CACNA1C: variants seen among roughly 807,000 people sequenced by gnomAD.
The protein encoded by CACNA1C is calcium voltage-gated channel subunit alpha1 C.
In CACNA1C, 30 loss-of-function variants were observed where a neutral mutation model predicts 229.0. The ratio of observed to expected loss-of-function variants is 0.13; its 90% CI spans 0.10 to 0.18. The LOEUF (loss-of-function observed/expected upper bound fraction) is 0.18. Among genes scored for constraint, CACNA1C ranks in the 10% least tolerant of loss-of-function variants. The pLI is 1.00. For synonymous variants in CACNA1C, 1,114 were observed against 1,132.5 expected (o/e 0.98, Z 0.33); for missense variants, 1,658 against 2,845.0 (o/e 0.58, Z 9.49).
intron 5 of CACNA1C, among the ~76,000 whole-genome samples, chr12:2,472,862 G>A (rs866889024): frequency 2.6e-5 from 4 of 152,184 alleles, no homozygotes; most frequent in South Asian, 2.1e-4. Context: ...TACCATGAAC[G>A]TGTGTAGGCT....
intron 3 of CACNA1C, among the ~76,000 whole-genome samples, chr12:2,440,252 A>G (rs1203528107): frequency 6.6e-6 from 1 of 151,548 alleles, no homozygotes; most frequent in Non-Finnish European, 1.5e-5. Context: ...ACAAACAGGA[A>G]CTCTGTACCT....
chr12:2,563,326 C>T (rs1415161160), intron 11 of CACNA1C, among the ~76,000 whole-genome samples: 9 of 152,118 alleles, frequency 5.9e-5, no homozygotes, highest in African/African-American at 1.4e-4. Flanking sequence ...TAAATAGTGC[C>T]GCAGTGAACA....
intron 3 of CACNA1C, among the ~76,000 whole-genome samples, chr12:2,190,566 G>A (rs1244280354): frequency 6.6e-6 from 1 of 152,190 alleles, no homozygotes. Flanking sequence ...TAGGTGCAAA[G>A]GACGTAGAAA....
chr12:2,480,172 G>C (rs1442527487), intron 5 of CACNA1C, among the ~76,000 whole-genome samples: 2 of 152,204 alleles, frequency 1.3e-5, no homozygotes, highest in African/African-American at 4.8e-5. Context: ...ATTTCTTTGA[G>C]AGACAGAACA....
chr12:2,115,592 T>A, intron 2 of CACNA1C, 47 bp downstream of exon 2: 1 of 1,581,118 alleles, frequency 6.3e-7, no homozygotes, highest in Non-Finnish European at 8.7e-7. Context: ...ACCTGCACGC[T>A]GGGTCCAGCC....
intron 19 of CACNA1C, among the ~76,000 whole-genome samples, chr12:2,594,895 G>T (rs940804717): frequency 1.3e-5 from 2 of 152,162 alleles, no homozygotes; most frequent in Non-Finnish European, 2.9e-5. Context: ...CCTCAAGACT[G>T]GCTTAACCTG....
At chr12:2,229,107 G>T (rs1280369659) in intron 3 of CACNA1C, among the ~76,000 whole-genome samples, 1 of 152,180 alleles carries the variant, frequency 6.6e-6, no homozygotes. Context: ...GGTGGAAAGA[G>T]CACAGGATTT....
chr12:2,270,937 G>A (rs2084683437), intron 3 of CACNA1C, among the ~76,000 whole-genome samples: 1 of 152,182 alleles, frequency 6.6e-6, no homozygotes, highest in Non-Finnish European at 1.5e-5. Flanking sequence ...CATGAAAGGG[G>A]AGATGAAGGG....
At chr12:2,572,869 TCTC>T (rs1458289788) in intron 13 of CACNA1C, among the ~76,000 whole-genome samples, 1 of 84,594 alleles carries the variant, frequency 1.2e-5, no homozygotes, top group African/African-American at 4.6e-5. Context: ...TCCTCCTCCT[TCTC>T]TTCTTCTTCT....
chr12:2,634,307 G>T lies in CACNA1C; in HGVS notation c.3839G>T (p.Cys1280Phe), dbSNP rs777680515. 1.9e-6 allele frequency: 3 copies of T among 1,556,556 alleles called. No individual in the cohort carries two copies. The highest frequency in any genetic ancestry group is 3.8e-5 in the Admixed American group (2 of 52,362). Residue 1280 changes from cysteine (C) to phenylalanine (F), a missense_variant, in exon 30 of 47, where the codon TGT (cysteine) becomes TTT (phenylalanine). Cys to Phe is a radical substitution (Grantham distance 205, BLOSUM62 -2). Coordinates refer to ENST00000399655, the MANE Select transcript of CACNA1C (RefSeq NM_000719.7). ...LIAFKPKHYF[C>F]DAWNTFDALI... ...CTCTGCCCCATGCAGCACTATTTCTGTGATGCATGGAATACATTTGACGCC... is the reference window on the plus strand; with the variant it reads ...CTCTGCCCCATGCAGCACTATTTCTTTGATGCATGGAATACATTTGACGCC...
At chr12:2,565,248 C>T (rs1433097808) in intron 11 of CACNA1C, among the ~76,000 whole-genome samples, 1 of 150,976 alleles carries the variant, frequency 6.6e-6, no homozygotes, top group Non-Finnish European at 1.5e-5. Flanking sequence ...GCGGGTGGAT[C>T]ATGAGGTCAG....
At chr12:2,613,648 A>T (rs1314903103) in intron 29 of CACNA1C, 1 of 152,228 alleles carries the variant, frequency 6.6e-6, no homozygotes, top group Non-Finnish European at 1.5e-5. Flanking sequence ...TTCCTGTACA[A>T]GTCCCATTTA....
intron 1 of CACNA1C, among the ~76,000 whole-genome samples, chr12:2,099,942 A>G (rs904891392): frequency 2.0e-5 from 3 of 152,192 alleles, no homozygotes; most frequent in African/African-American, 7.2e-5. Flanking sequence ...TTTACAAGTG[A>G]GGAAGCTGAG....
intron 1 of CACNA1C, among the ~76,000 whole-genome samples, chr12:2,103,378 T>G (rs1053946893): frequency 6.6e-6 from 1 of 152,246 alleles, no homozygotes; most frequent in Non-Finnish European, 1.5e-5. Flanking sequence ...ATAAATGTCT[T>G]CTTTTGAGAA....
At position 2,072,710 on chromosome 12, in the gene CACNA1C, A is replaced by C. The variant is rs150267887; in HGVS notation, c.49+19099A>C. On this transcript the variant is annotated intron_variant, in intron 1 of 46. Transcript: ENST00000399655. ...CTACATTAAAATATATTTTTGGTAC[A>C]TTAGGTATCTATTAGGTAAATTAGG... 3.0e-4 allele frequency among the ~76,000 whole-genome samples: 45 copies of C among 152,290 alleles called. No homozygotes were observed. The East Asian group carries it at 7.9e-3, about 27-fold the overall frequency.
chr12:2,127,191 T>C (rs1217495798), intron 3 of CACNA1C, among the ~76,000 whole-genome samples: 2 of 152,078 alleles, frequency 1.3e-5, no homozygotes, highest in Non-Finnish European at 2.9e-5. Context: ...GGTTCCCCCA[T>C]TCCCACACAG....
chr12:2,665,012 C>T lies in CACNA1C; in HGVS notation c.4398+22C>T. 5 of 1,613,088 alleles carry T rather than the reference C, an allele frequency of 3.1e-6. No homozygotes were observed. Among genetic ancestry groups the T allele is most frequent in the Non-Finnish European group, 4.2e-6 (5 of 1,179,516 alleles). On this transcript the variant is annotated intron_variant, in intron 35 of 46. Coordinates refer to ENST00000399655, the MANE Select transcript of CACNA1C (RefSeq NM_000719.7). The surrounding 1 kb of genome is among the most constrained non-coding windows in gnomAD (Gnocchi z 5.9). ...CCTGGTAAGCCAAGGGGGAACTCAACAGCCAGCAGCCATGACTGCCCAGTT... is the reference window on the plus strand; with the variant it reads ...CCTGGTAAGCCAAGGGGGAACTCAATAGCCAGCAGCCATGACTGCCCAGTT...
intron 1 of CACNA1C, among the ~76,000 whole-genome samples, chr12:2,103,770 G>T (rs759200642): frequency 1.7e-4 from 26 of 152,184 alleles, no homozygotes; most frequent in Non-Finnish European, 2.8e-4. Flanking sequence ...ATAAGGAAGG[G>T]ATCCAGTTTC....
chr12:2,361,515 T>C (rs2097557730), intron 3 of CACNA1C, among the ~76,000 whole-genome samples: 1 of 152,156 alleles, frequency 6.6e-6, no homozygotes, highest in African/African-American at 2.4e-5. Flanking sequence ...CCCTCCCTTC[T>C]GCCTCCCTCC....
Sources: gnomAD v4.1 joint callset for allele counts (sites outside exome capture counted in the v4.1 genomes callset) on GRCh38, gnomAD v4.1.1 for gene constraint, Gnocchi (gnomAD v3.1) non-coding constraint, MANE v1.5 for transcripts, NCBI Gene and HGNC (gene_info 2026-07-23, HGNC 2026-07-21) for gene names.